The following ATRNL1 variants were observed in gnomAD, a reference collection of about 807,000 sequenced individuals.
The protein encoded by ATRNL1 is attractin-like protein 1.
Under a neutral mutation model 182.7 loss-of-function variants are expected in ATRNL1, and 95 were observed. That is an observed-to-expected ratio of 0.52 (90% confidence interval 0.44 to 0.62). ATRNL1 has a LOEUF of 0.62. ATRNL1 is among the 20% of genes least tolerant of loss of function. The pLI is 0.00. For missense variants in ATRNL1, 1,471 were observed against 1,679.5 expected, an observed-to-expected ratio of 0.88 and a Z score of 2.17; for synonymous variants, 576 against 568.3, an observed-to-expected ratio of 1.01 and a Z score of -0.19.
rs190641791 is a variant in ATRNL1, at chr10:115,651,682, G to A, written c.3796-75566G>A. Reference sequence around the variant, plus strand: ...AACTAATACAGCTTACGAGAAATTAGAGAGGGGGATCTTTACATAACCATC... The same window carrying A: ...AACTAATACAGCTTACGAGAAATTAAAGAGGGGGATCTTTACATAACCATC... On this transcript the variant is annotated intron_variant, in intron 26 of 28. Transcript: ENST00000355044. 3.9e-5 allele frequency among the ~76,000 whole-genome samples: 6 copies of A among 152,290 alleles called. No individual in the cohort carries two copies. In the East Asian group the frequency reaches 9.6e-4, roughly 24 times the overall value.
chr10:115,579,145 A>G (rs1555006354), intron 26 of ATRNL1, among the ~76,000 whole-genome samples: 2 of 151,756 alleles, frequency 1.3e-5, no homozygotes, highest in South Asian at 2.1e-4. Flanking sequence ...AGACTATTAC[A>G]TGTGCACTTA....
intron 19 of ATRNL1, among the ~76,000 whole-genome samples, chr10:115,336,460 A>G (rs1016681313): frequency 3.0e-4 from 45 of 152,194 alleles, no homozygotes; most frequent in African/African-American, 1.1e-3. Flanking sequence ...TGAATTTTCC[A>G]TGGCCATACA....
rs1402377189 is a variant in ATRNL1, at chr10:115,123,415, T to G, written c.491+1603T>G. Among the ~76,000 whole-genome samples, 3 of 152,218 alleles carry G rather than the reference T, an allele frequency of 2.0e-5. No homozygotes were observed. The East Asian group carries it at 5.8e-4, about 29-fold the overall frequency. On this transcript the variant is annotated intron_variant, in intron 3 of 28. Coordinates refer to ENST00000355044, the MANE Select transcript of ATRNL1 (RefSeq NM_207303.4). ...TAGGACTTGAATCTCAATCTCCTGA[T>G]TTAAAAGCATATGCTGTTTGTACTT...
chr10:115,467,335 G>A (rs1278504251), intron 23 of ATRNL1, 83 bp downstream of exon 23: 9 of 958,682 alleles, frequency 9.4e-6, no homozygotes, highest in East Asian at 2.9e-5. Context: ...TTAATTAAAT[G>A]TTTGAAATTT....
intron 1 of ATRNL1, among the ~76,000 whole-genome samples, chr10:115,100,513 T>G (rs1554864361): frequency 1.3e-5 from 2 of 152,112 alleles, no homozygotes; most frequent in Non-Finnish European, 2.9e-5. Context: ...TTGAGAAGAG[T>G]ATTCTTTCTC....
intron 3 of ATRNL1, among the ~76,000 whole-genome samples, chr10:115,126,899 A>C (rs1298947909): frequency 1.3e-5 from 2 of 152,204 alleles, no homozygotes; most frequent in African/African-American, 4.8e-5. Flanking sequence ...AAAAAGAAGT[A>C]CAAGTTACCA....
intron 26 of ATRNL1, among the ~76,000 whole-genome samples, chr10:115,571,574 G>C (rs2133863319): frequency 6.6e-6 from 1 of 152,036 alleles, no homozygotes; most frequent in Non-Finnish European, 1.5e-5. Flanking sequence ...TCTCTAGTAG[G>C]CTGGCTGCTT....
At chr10:115,843,374 C>A (rs782601537) in intron 27 of ATRNL1, among the ~76,000 whole-genome samples, 53 of 151,908 alleles carry the variant, frequency 3.5e-4, no homozygotes, top group Non-Finnish European at 1.0e-4. Flanking sequence ...AGACATTTAC[C>A]CAGCTGTTAT....
intron 19 of ATRNL1, among the ~76,000 whole-genome samples, chr10:115,361,885 C>T (rs1190385728): frequency 3.9e-5 from 6 of 152,124 alleles, no homozygotes; most frequent in Non-Finnish European, 2.9e-5. Flanking sequence ...ATCATGTTCA[C>T]GTACTGGAGC....
At chr10:115,754,793 A>G (rs1593172282) in intron 27 of ATRNL1, among the ~76,000 whole-genome samples, 1 of 152,130 alleles carries the variant, frequency 6.6e-6, no homozygotes, top group Non-Finnish European at 1.5e-5. Flanking sequence ...GATTCTTCCT[A>G]TCCATGAGCG....
intron 17 of ATRNL1, among the ~76,000 whole-genome samples, chr10:115,314,409 T>A (rs1448407090): frequency 1.3e-5 from 2 of 152,182 alleles, no homozygotes; most frequent in African/African-American, 4.8e-5. Context: ...TTAGGAATGT[T>A]TTTGTTTTAA....
chr10:115,291,397 A>G (rs910194170), intron 15 of ATRNL1, among the ~76,000 whole-genome samples: 8 of 152,212 alleles, frequency 5.3e-5, no homozygotes, highest in African/African-American at 1.4e-4. Context: ...TCCAATTCTT[A>G]GAAGAAAGGC....
chr10:115,288,518 C>CTT (rs1370350590), intron 15 of ATRNL1, among the ~76,000 whole-genome samples: 9 of 140,328 alleles, frequency 6.4e-5, no homozygotes, highest in East Asian at 2.1e-4. Flanking sequence ...TGTATGTCTT[C>CTT]TTTTTTTTTT....
chr10:115,484,537 A>C, intron 24 of ATRNL1, among the ~76,000 whole-genome samples: 1 of 151,726 alleles, frequency 6.6e-6, no homozygotes. Context: ...TAAATAAGTC[A>C]TACAATTTTT....
chr10:115,432,333 T>G (rs1172911166), intron 21 of ATRNL1, among the ~76,000 whole-genome samples: 2 of 152,098 alleles, frequency 1.3e-5, no homozygotes, highest in Non-Finnish European at 2.9e-5. Context: ...GGACAACTCT[T>G]CTCTAGATTA....
At chr10:115,316,295 T>C (rs1429495284) in intron 18 of ATRNL1, among the ~76,000 whole-genome samples, 1 of 152,200 alleles carries the variant, frequency 6.6e-6, no homozygotes, top group African/African-American at 2.4e-5. Flanking sequence ...ATCTCATTAC[T>C]TTTTATGGCT....
rs187692099 is a variant in ATRNL1, at chr10:115,666,226, C to T, written c.3796-61022C>T. 7.6e-4 allele frequency among the ~76,000 whole-genome samples: 116 copies of T among 152,176 alleles called. 1 individual carries two copies. The highest frequency in any genetic ancestry group is 2.5e-3 in the African/African-American group (104 of 41,534). ...GAAACTTCCAGAGTATTTTAAAGGT[C>T]GTCCAAGGTTTGAAAAACACTGACT... On this transcript the variant is annotated intron_variant, in intron 26 of 28. Transcript: ENST00000355044.
rs57237450 is a variant in ATRNL1, at chr10:115,445,506, CGTGTGTGTGTGT to C, written c.3323-16400_3323-16389del. 2.9e-3 allele frequency among the ~76,000 whole-genome samples: 344 copies of C among 119,270 alleles called. 1 individual carries two copies. Among genetic ancestry groups the C allele is most frequent in the African/African-American group, 6.8e-3 (218 of 32,288 alleles). 78.2% of individuals were successfully genotyped at this position (119,270 alleles called of 152,430 possible). A position where few individuals can be genotyped will look rare whatever the true frequency, so the allele number is the denominator to read the frequency against. Reference sequence around the variant, plus strand: ...CTACTCTGTAAATAACTCATTTGTCCGTGTGTGTGTGTGTGTGTGTGTGTGTGTGTGTGTGTG... The same window carrying C: ...CTACTCTGTAAATAACTCATTTGTCCGTGTGTGTGTGTGTGTGTGTGTGTG... On this transcript the variant is annotated intron_variant, in intron 21 of 28. Coordinates refer to ENST00000355044, the MANE Select transcript of ATRNL1 (RefSeq NM_207303.4).
chr10:115,584,373 T>A (rs372521306), intron 26 of ATRNL1, among the ~76,000 whole-genome samples: 1 of 128,592 alleles, frequency 7.8e-6, no homozygotes, highest in African/African-American at 2.6e-5. Context: ...TGAATCCATC[T>A]GGTCCTAGAC....
Sources: gnomAD v4.1 joint callset for allele counts (sites outside exome capture counted in the v4.1 genomes callset) on GRCh38, gnomAD v4.1.1 for gene constraint, MANE v1.5 for transcripts, NCBI Gene and HGNC (gene_info 2026-07-23, HGNC 2026-07-21) for gene names.